UBP1: variants seen among roughly 807,000 people sequenced by gnomAD.
UBP1 encodes upstream-binding protein 1.
Under a neutral mutation model 76.1 loss-of-function variants are expected in UBP1, and 22 were observed. That is an observed-to-expected ratio of 0.29 (90% CI 0.21 to 0.41). The LOEUF (loss-of-function observed/expected upper bound fraction) is 0.41. UBP1 is among the 10% of genes least tolerant of loss of function. UBP1 has a pLI of 1.00. For synonymous variants in UBP1, 224 were observed against 237.1 expected (o/e 0.94, Z 0.51); for missense variants, 436 against 668.1 (o/e 0.65, Z 3.83).
chr3:33,410,755 G>T (rs2044561429), intron 5 of UBP1, among the ~76,000 whole-genome samples: 1 of 152,014 alleles, frequency 6.6e-6, no homozygotes, highest in Admixed American at 6.6e-5. Context: ...TGGATGAAAT[G>T]GTATGCCTGA....
At chr3:33,409,122 ATGTCAAAC>A (rs1357274090) in intron 7 of UBP1, 106 bp downstream of exon 7, 15 of 991,466 alleles carry the variant, frequency 1.5e-5, no homozygotes, top group Admixed American at 2.2e-5. Flanking sequence ...AGAGAATAAC[ATGTCAAAC>A]TGCCACCCAA....
At chr3:33,406,595 A>G (rs1398655949) in intron 8 of UBP1, among the ~76,000 whole-genome samples, 1 of 152,260 alleles carries the variant, frequency 6.6e-6, no homozygotes, top group African/African-American at 2.4e-5. Context: ...AGAGTAATGT[A>G]GAAACACCAA....
chr3:33,439,133 ATCT>A (rs531768021), intron 1 of UBP1, among the ~76,000 whole-genome samples: 1 of 152,342 alleles, frequency 6.6e-6, no homozygotes, highest in African/African-American at 2.4e-5. Flanking sequence ...CAATCACTGC[ATCT>A]TAAAACCCTC....
chr3:33,437,347 C>T (rs2045219850), intron 1 of UBP1, among the ~76,000 whole-genome samples: 1 of 152,100 alleles, frequency 6.6e-6, no homozygotes, highest in South Asian at 2.1e-4. Flanking sequence ...CACACTACAC[C>T]CCTGAACCTC....
chr3:33,402,760 C>A, intron 9 of UBP1, 41 bp downstream of exon 9: 1 of 1,385,600 alleles, frequency 7.2e-7, no homozygotes, highest in African/African-American at 1.5e-5. Context: ...GGCACATGAG[C>A]ATTAGTTAGC....
At chr3:33,390,723 C>T (rs1433055215) in intron 15 of UBP1, 3 of 257,730 alleles carry the variant, frequency 1.2e-5, no homozygotes, top group Non-Finnish European at 1.5e-5. Flanking sequence ...TGTGTCAGGG[C>T]AGAGGACCTG....
chr3:33,427,998 C>CG (rs1399270097), intron 1 of UBP1, among the ~76,000 whole-genome samples: 1 of 151,812 alleles, frequency 6.6e-6, no homozygotes, highest in African/African-American at 2.4e-5. Context: ...CGAGACATGG[C>CG]GGGGGAAACC....
Position 33,425,667 on chromosome 3 carries a change from G to A in UBP1, c.188C>T (p.Pro63Leu). ...LPLDGETEHPPFQYVMCAATS... is the reference protein window; with the variant it reads ...LPLDGETEHPLFQYVMCAATS... ...TGCAGCACACATCACATACTGAAAG[G>A]GTGGGTGCTCTGTTTCACCATCCAA... The change falls in exon 2 of 16, where the codon CCC becomes CTC. Residue 63 changes from proline to leucine, a missense_variant. By Grantham distance (98) the Pro-to-Leu change is moderately conservative. Transcript: ENST00000283629. The A allele has an allele frequency of 6.2e-7, 1 of 1,603,372 alleles. No homozygotes were observed. The highest frequency in any genetic ancestry group is 8.5e-7 in the Non-Finnish European group (1 of 1,171,862).
At chr3:33,418,640 C>T (rs1050802284) in intron 2 of UBP1, among the ~76,000 whole-genome samples, 2 of 151,704 alleles carry the variant, frequency 1.3e-5, no homozygotes, top group Non-Finnish European at 2.9e-5. Context: ...GGGCAGATCA[C>T]CTGAGGTTGG....
chr3:33,406,614 A>T (rs896704187), intron 8 of UBP1, among the ~76,000 whole-genome samples: 2 of 152,260 alleles, frequency 1.3e-5, no homozygotes, highest in African/African-American at 4.8e-5. Flanking sequence ...AAGTTTACCA[A>T]AACTCCATAA....
At position 33,397,079 on chromosome 3, in the gene UBP1, C is replaced by T. The variant is rs764381444; in HGVS notation, c.1237G>A (p.Asp413Asn). The T allele has an allele frequency of 5.0e-6, 8 of 1,603,074 alleles. No individual in the cohort carries two copies. Among genetic ancestry groups the T allele is most frequent in the South Asian group, 1.1e-5 (1 of 89,018 alleles). ...EDLVQICGAADGIRLYNSLKS... is the reference protein window; with the variant it reads ...EDLVQICGAANGIRLYNSLKS... ...AGTGAATTATAGAGCCGAATTCCATCGGCTGCACCACAAATTTGAACTAAA... is the reference window on the plus strand; with the variant it reads ...AGTGAATTATAGAGCCGAATTCCATTGGCTGCACCACAAATTTGAACTAAA... Residue 413 changes from aspartate to asparagine, a missense_variant, in exon 12 of 16, where the codon GAT becomes AAT. Physicochemically the swap from Asp to Asn is conservative, Grantham distance 23. This residue lies in a region of UBP1 where 210 missense variants were observed against 272.8 expected (regional missense o/e 0.77). Coordinates refer to ENST00000283629, the MANE Select transcript of UBP1 (RefSeq NM_014517.5).
At position 33,410,471 on chromosome 3, in the gene UBP1, T is replaced by G. The variant is rs183598187; in HGVS notation, c.556-870A>C. Reference sequence around the variant, plus strand: ...ATCAATATTCAACGGATATAAACCATGCCCCCAGGGATTAACTGATGGAGA... The same window carrying G: ...ATCAATATTCAACGGATATAAACCAGGCCCCCAGGGATTAACTGATGGAGA... On this transcript the variant is annotated intron_variant, in intron 5 of 15. Transcript: ENST00000283629. Among the ~76,000 whole-genome samples the G allele has an allele frequency of 4.6e-3, 696 of 152,356 alleles. 4 individuals carry two copies. Among genetic ancestry groups the G allele is most frequent in the African/African-American group, 0.016 (651 of 41,574 alleles).
intron 12 of UBP1, chr3:33,396,736 A>G: frequency 3.6e-6 from 2 of 560,010 alleles, no homozygotes; most frequent in South Asian, 3.1e-5. Context: ...TAGATTCTGT[A>G]TAGCTCACCT....
chr3:33,435,039 A>G (rs902982135), intron 1 of UBP1, among the ~76,000 whole-genome samples: 2 of 152,344 alleles, frequency 1.3e-5, no homozygotes, highest in African/African-American at 4.8e-5. Flanking sequence ...GAATCCATAC[A>G]TCCCACAAAG....
At chr3:33,430,240 A>G (rs961648420) in intron 1 of UBP1, among the ~76,000 whole-genome samples, 11 of 152,220 alleles carry the variant, frequency 7.2e-5, no homozygotes, top group African/African-American at 2.7e-4. Flanking sequence ...CAAACTGAGG[A>G]AAGAACTGCA....
rs573158587 is a variant in UBP1, at chr3:33,407,930, T to C, written c.927+760A>G. On this transcript the variant is annotated intron_variant, in intron 8 of 15. Transcript: ENST00000283629. ...AGCAGGATCATCGTTTGTGGACTAATAGATGAAGAGTCATGTCATAAAATA... is the reference window on the plus strand; with the variant it reads ...AGCAGGATCATCGTTTGTGGACTAACAGATGAAGAGTCATGTCATAAAATA... Among the ~76,000 whole-genome samples, 157 of 152,356 alleles carry C rather than the reference T, an allele frequency of 1.0e-3. 1 individual carries two copies. Among genetic ancestry groups the C allele is most frequent in the African/African-American group, 2.2e-3 (91 of 41,582 alleles).
At chr3:33,412,306 C>A (rs1291529732) in intron 4 of UBP1, among the ~76,000 whole-genome samples, 1 of 151,192 alleles carries the variant, frequency 6.6e-6, no homozygotes, top group East Asian at 1.9e-4. Flanking sequence ...TATAAAACAA[C>A]TCTCTCGGTT....
intron 5 of UBP1, among the ~76,000 whole-genome samples, chr3:33,409,856 G>A (rs1411945824): frequency 6.6e-6 from 1 of 152,160 alleles, no homozygotes; most frequent in Non-Finnish European, 1.5e-5. Flanking sequence ...TGCAGGACTT[G>A]GGTCCAATCA....
chr3:33,439,699 G>A (rs754262056), intron 1 of UBP1, 37 bp downstream of exon 1: 8 of 1,604,004 alleles, frequency 5.0e-6, no homozygotes, highest in African/African-American at 1.3e-5. Context: ...CTTCCCCAAG[G>A]AGACAGAGGC....
Sources: gnomAD v4.1 joint callset for allele counts (sites outside exome capture counted in the v4.1 genomes callset) on GRCh38, gnomAD v4.1.1 for gene constraint, gnomAD v4.1.1 regional missense constraint, MANE v1.5 for transcripts, NCBI Gene and HGNC (gene_info 2026-07-23, HGNC 2026-07-21) for gene names.